DGKG: variants seen among roughly 807,000 people sequenced by gnomAD.
DGKG encodes DAG kinase gamma.
Under a neutral mutation model 105.3 loss-of-function variants are expected in DGKG, and 78 were observed. That is an observed-to-expected ratio of 0.74 (90% CI 0.62 to 0.89). DGKG has a LOEUF of 0.89. Ranked by LOEUF, DGKG falls within the 40% of genes least tolerant of loss-of-function variation. The pLI, the probability that DGKG is intolerant of heterozygous loss-of-function variation, is 0.00. For synonymous variants in DGKG, 346 were observed against 367.1 expected, an observed-to-expected ratio of 0.94 and a Z score of 0.66; for missense variants, 958 against 1,020.1, an observed-to-expected ratio of 0.94 and a Z score of 0.83.
intron 19 of DGKG, among the ~76,000 whole-genome samples, chr3:186,250,567 T>TTTTTTTTTTTTTTTTA (rs1721165070): frequency 1.4e-5 from 2 of 148,094 alleles, no homozygotes; most frequent in Admixed American, 6.8e-5. Context: ...CTTTTTTTTT[T>TTTTTTTTTTTTTTTTA]GAGACAGAGT....
At position 186,280,708 on chromosome 3, in the gene DGKG, C is replaced by T; in HGVS notation, c.631G>A (p.Ala211Thr). The T allele has an allele frequency of 6.2e-7, 1 of 1,614,072 alleles. No individual in the cohort carries two copies. Among genetic ancestry groups the T allele is most frequent in the South Asian group, 1.1e-5 (1 of 91,082 alleles). Residue 211 changes from alanine to threonine, a missense_variant, in exon 8 of 25, where the codon GCC (alanine) becomes ACC (threonine). Around this residue, in one of 2 missense-constraint regions of DGKG, gnomAD observed 643 missense variants for 619.5 expected, o/e 1.04. Transcript: ENST00000265022. ...DCIVNQMLHIAQYLEWDPTEL... is the reference protein window; with the variant it reads ...DCIVNQMLHITQYLEWDPTEL... ...GTGGGATCCCACTCCAGGTACTGGGCAATATGCAGCATTTGGTTGACAATG... is the reference window on the plus strand; with the variant it reads ...GTGGGATCCCACTCCAGGTACTGGGTAATATGCAGCATTTGGTTGACAATG...
At chr3:186,220,864 T>G (rs1270331531) in intron 20 of DGKG, among the ~76,000 whole-genome samples, 1 of 152,204 alleles carries the variant, frequency 6.6e-6, no homozygotes, top group East Asian at 1.9e-4. Context: ...AGACAGTGTG[T>G]TTCTGCGGAC....
intron 4 of DGKG, 91 bp downstream of exon 4, chr3:186,297,973 T>G: frequency 6.9e-7 from 1 of 1,453,050 alleles, no homozygotes; most frequent in Non-Finnish European, 9.3e-7. Context: ...AGTTACTATG[T>G]TCAGGGGACC....
intron 1 of DGKG, among the ~76,000 whole-genome samples, chr3:186,321,163 C>T (rs970866709): frequency 1.3e-5 from 2 of 152,196 alleles, no homozygotes; most frequent in African/African-American, 2.4e-5. Context: ...AAGCAGTTCT[C>T]TGTCCTCTTA....
At chr3:186,194,601 C>A (rs1189662965) in intron 21 of DGKG, among the ~76,000 whole-genome samples, 1 of 152,142 alleles carries the variant, frequency 6.6e-6, no homozygotes, top group African/African-American at 2.4e-5. Context: ...TGGACGCAGA[C>A]GGTTCTGTTT....
At chr3:186,206,702 G>A (rs1218144820) in intron 21 of DGKG, among the ~76,000 whole-genome samples, 1 of 152,064 alleles carries the variant, frequency 6.6e-6, no homozygotes, top group East Asian at 1.9e-4. Context: ...CTTAGACCAG[G>A]GATGGTGAGG....
rs571561078 is a variant in DGKG, at chr3:186,203,796, C to T, written c.1917+7999G>A. Among the ~76,000 whole-genome samples, 2 of 152,348 alleles carry T rather than the reference C, an allele frequency of 1.3e-5. No homozygotes were observed. Among genetic ancestry groups the T allele is most frequent in the East Asian group, 3.9e-4 (2 of 5,186 alleles). ...ATGCTCTTCTCAACTTTCCCTTCCC[C>T]ATGCGTGTTTCCATTTCTTCCACTG... On this transcript the variant is annotated intron_variant, in intron 21 of 24. Coordinates refer to ENST00000265022, the MANE Select transcript of DGKG (RefSeq NM_001346.3). The surrounding 1 kb of genome is among the most constrained non-coding windows in gnomAD (Gnocchi z 4.9).
chr3:186,338,147 GC>G (rs1725916579), intron 1 of DGKG, among the ~76,000 whole-genome samples: 1 of 142,400 alleles, frequency 7.0e-6, no homozygotes, highest in Non-Finnish European at 1.5e-5. Flanking sequence ...TCTAGCCCAG[GC>G]AACAGAGTGA....
intron 12 of DGKG, among the ~76,000 whole-genome samples, chr3:186,268,195 CAG>C (rs1560124742): frequency 6.6e-6 from 1 of 152,160 alleles, no homozygotes; most frequent in Admixed American, 6.5e-5. Flanking sequence ...GAGAGTTCTG[CAG>C]TCTGGTTTGG....
Position 186,284,789 on chromosome 3 carries a change from T to C in DGKG, c.545-80A>G. 8.4e-7 allele frequency: 1 copy of C among 1,197,090 alleles called. No homozygotes were observed. The highest frequency in any genetic ancestry group is 1.2e-6 in the Non-Finnish European group (1 of 803,678). The allele number at this position is 1,197,090 out of a possible 1,614,324, so 74.2% of individuals were successfully genotyped here. The stretch of plus-strand genomic sequence containing the variant: ...TGAAGTTTTGATGCTGCCAGGTTTT[T>C]AGATTAGTTCTGTCACCACTGTGAC... On this transcript the variant is annotated intron_variant, in intron 6 of 24. Transcript: ENST00000265022. This position sits in a 1 kb window ranked among gnomAD's most constrained non-coding sequence, Gnocchi z 4.0.
Position 186,190,850 on chromosome 3 carries a change from T to C in DGKG, c.1918-2471A>G, listed in dbSNP as rs184180743. On this transcript the variant is annotated intron_variant, in intron 21 of 24. Transcript: ENST00000265022. ...ATGTGCGCATAAAAGGAAAAAACAG[T>C]GACCGAGCACTCTCCTTGGTCAGTT... Among the ~76,000 whole-genome samples, 708 of 152,308 alleles carry C rather than the reference T, an allele frequency of 4.6e-3. 8 individuals carry two copies. The highest frequency in any genetic ancestry group is 0.015 in the African/African-American group (644 of 41,556).
intron 21 of DGKG, among the ~76,000 whole-genome samples, chr3:186,198,934 A>G (rs183970438): frequency 3.9e-5 from 6 of 152,286 alleles, no homozygotes; most frequent in Admixed American, 1.3e-4. Flanking sequence ...CGACAACATT[A>G]TTGGAAAGAC....
intron 1 of DGKG, among the ~76,000 whole-genome samples, chr3:186,360,205 C>T (rs1727162632): frequency 6.6e-6 from 1 of 151,916 alleles, no homozygotes; most frequent in Non-Finnish European, 1.5e-5. Context: ...GTAGTTACTC[C>T]CATCTCTGAG....
chr3:186,255,001 G>A (rs964106646), intron 17 of DGKG, among the ~76,000 whole-genome samples: 1 of 152,334 alleles, frequency 6.6e-6, no homozygotes, highest in East Asian at 1.9e-4. Flanking sequence ...AAAGCACAAA[G>A]CTCTCTGTGG....
chr3:186,181,085 C>A (rs1717336586), intron 22 of DGKG, among the ~76,000 whole-genome samples: 1 of 152,244 alleles, frequency 6.6e-6, no homozygotes, highest in South Asian at 2.1e-4. Context: ...CACTGGCTTG[C>A]TGGCCTTGCC....
At chr3:186,251,737 A>T in intron 19 of DGKG, 22 bp downstream of exon 19, 1 of 1,613,830 alleles carries the variant, frequency 6.2e-7, no homozygotes, top group South Asian at 1.1e-5. Context: ...CCATACAGAA[A>T]GGTGATCTTT....
intron 20 of DGKG, among the ~76,000 whole-genome samples, chr3:186,232,582 T>C (rs1453047025): frequency 6.6e-6 from 1 of 152,222 alleles, no homozygotes; most frequent in Non-Finnish European, 1.5e-5. Flanking sequence ...TGTTTCTCCA[T>C]GATGGGAATA....
At chr3:186,275,769 G>A (rs1382036643) in intron 9 of DGKG, 105 bp from the exon 10 acceptor site, 7 of 693,200 alleles carry the variant, frequency 1.0e-5, no homozygotes, top group Non-Finnish European at 1.6e-5. Flanking sequence ...TTTAGAAGAT[G>A]AGTTATTGAT....
intron 15 of DGKG, 67 bp from the exon 16 acceptor site, chr3:186,260,580 C>T (rs1721722269): frequency 8.1e-7 from 1 of 1,235,560 alleles, no homozygotes; most frequent in Non-Finnish European, 1.2e-6. Flanking sequence ...CGTGAGAAGT[C>T]ACATTAGGGC....
Sources: gnomAD v4.1 joint callset for allele counts (sites outside exome capture counted in the v4.1 genomes callset) on GRCh38, gnomAD v4.1.1 for gene constraint, gnomAD v4.1.1 regional missense constraint, Gnocchi (gnomAD v3.1) non-coding constraint, MANE v1.5 for transcripts, NCBI Gene and HGNC (gene_info 2026-07-23, HGNC 2026-07-21) for gene names.